The following P2RY12 variants were observed in gnomAD, a reference collection of about 807,000 sequenced individuals.
P2RY12 encodes purinergic receptor P2Y12.
A neutral mutation model predicts 4.5 loss-of-function variants in P2RY12; 3 were observed. The ratio of observed to expected loss-of-function variants is 0.67; its 90% CI spans 0.31 to 1.74. P2RY12 has a LOEUF of 1.74. Among genes scored for constraint, P2RY12 ranks in the 40% most tolerant of loss-of-function variants. The probability of loss-of-function intolerance (pLI) is 0.09; values close to 1 mark genes in which losing one functional copy is unlikely to be tolerated. For synonymous variants in P2RY12, 148 were observed against 154.1 expected (o/e 0.96, Z 0.29); for missense variants, 356 against 407.8 (o/e 0.87, Z 1.09).
Position 151,338,434 on chromosome 3 carries a change from G to C in P2RY12, c.412C>G (p.Leu138Val). ...ACAGAGAGAATCTTAGCCCCCAAGA[G>C]ATTTTTGGGGTTGGATGTTTTAAAT... ...RPFKTSNPKN[L>V]LGAKILSVVI... The change falls in exon 3 of 3, where the codon CTC becomes GTC. Residue 138 changes from leucine to valine, a missense_variant. By Grantham distance (32) the Leu-to-Val change is conservative (BLOSUM62 1). Transcript: ENST00000302632. The C allele has an allele frequency of 1.2e-6, 2 of 1,614,092 alleles. No homozygotes were observed. The highest frequency in any genetic ancestry group is 1.7e-6 in the Non-Finnish European group (2 of 1,180,024).
rs1273592647 is a variant in P2RY12, at chr3:151,367,115, T to G, written c.-180+17577A>C. Among the ~76,000 whole-genome samples, 9 of 60,464 alleles carry G rather than the reference T, an allele frequency of 1.5e-4. 2 individuals are homozygous for G. In the South Asian group the frequency reaches 7.8e-3, roughly 52 times the overall value. 39.7% of individuals were successfully genotyped at this position (60,464 alleles called of 152,430 possible). A position where few individuals can be genotyped will look rare whatever the true frequency, so the allele number is the denominator to read the frequency against. On this transcript the variant is annotated intron_variant, in intron 1 of 2. Transcript: ENST00000302632. ...GTGACTGAATTAATTTCCCCCTCTGTCCTTTTTCTTCTTTTTAAATTTAAG... is the reference window on the plus strand; with the variant it reads ...GTGACTGAATTAATTTCCCCCTCTGGCCTTTTTCTTCTTTTTAAATTTAAG...
Position 151,376,013 on chromosome 3 carries a change from A to G in P2RY12, c.-180+8679T>C, listed in dbSNP as rs770403420. Reference sequence around the variant, plus strand: ...GCCAGTGCCTGTCAATCTAATTGCCATATTATTTTTAGGAATGGGTAGGAG... The same window carrying G: ...GCCAGTGCCTGTCAATCTAATTGCCGTATTATTTTTAGGAATGGGTAGGAG... On this transcript the variant is annotated intron_variant, in intron 1 of 2. Coordinates refer to ENST00000302632, the MANE Select transcript of P2RY12 (RefSeq NM_022788.5). 6.0e-6 allele frequency: 9 copies of G among 1,507,004 alleles called. No individual in the cohort carries two copies. The South Asian group carries it at 8.0e-5, about 13-fold the overall frequency. 93.4% of individuals were successfully genotyped at this position (1,507,004 alleles called of 1,614,324 possible). A position where few individuals can be genotyped will look rare whatever the true frequency, so the allele number is the denominator to read the frequency against.
In P2RY12 at chr3:151,338,005, C is replaced by T; in HGVS notation, c.841G>A (p.Glu281Lys). The T allele has an allele frequency of 6.2e-7, 1 of 1,614,132 alleles. No individual in the cohort carries two copies. Among genetic ancestry groups the T allele is most frequent in the Middle Eastern group, 1.6e-4 (1 of 6,062 alleles). ...TAENTLFYVK[E>K]STLWLTSLNA... The stretch of plus-strand genomic sequence containing the variant: ...AAGGAAGTTAACCACAGAGTGCTCT[C>T]TTTCACATAGAACAGAGTATTTTCA... The change falls in exon 3 of 3, where the codon GAG (glutamate) becomes AAG (lysine). Residue 281 changes from glutamate to lysine, a missense_variant. Coordinates refer to ENST00000302632, the MANE Select transcript of P2RY12 (RefSeq NM_022788.5).
chr3:151,369,580 T>C (rs754221631), intron 1 of P2RY12: 1 of 1,412,424 alleles, frequency 7.1e-7, no homozygotes, highest in Non-Finnish European at 9.8e-7. Context: ...AGCTTCTTGG[T>C]TAATCACCAG....
In P2RY12 at chr3:151,338,170, C is replaced by T; in HGVS notation, c.676G>A (p.Val226Ile). 1 of 1,614,046 alleles carries T rather than the reference C, an allele frequency of 6.2e-7. No individual in the cohort carries two copies. The highest frequency in any genetic ancestry group is 1.1e-5 in the South Asian group (1 of 91,066). Residue 226 changes from valine (V) to isoleucine (I), a missense_variant, in exon 3 of 3, where the codon GTA becomes ATA. Val to Ile is a conservative substitution (Grantham distance 29). Transcript: ENST00000302632. ...ACCTTTTTCCTGGGGACTTTACCTA[C>T]ACCCCTCGTTCTTACGTATGACCGG... is the stretch of plus-strand genomic sequence containing the variant. ...LYRSYVRTRG[V>I]GKVPRKKVNV...
chr3:151,375,792 C>A (rs531294069), intron 1 of P2RY12, among the ~76,000 whole-genome samples: 2 of 152,052 alleles, frequency 1.3e-5, no homozygotes, highest in East Asian at 1.9e-4. Context: ...ATTGTCTTTT[C>A]TTTTTTCCCA....
chr3:151,340,190 T>A (rs538632916), intron 2 of P2RY12, among the ~76,000 whole-genome samples: 2 of 152,284 alleles, frequency 1.3e-5, no homozygotes, highest in East Asian at 3.9e-4. Flanking sequence ...CCTTTCCTGC[T>A]ACTGCTGTGT....
chr3:151,382,857 C>A, intron 1 of P2RY12: 1 of 741,496 alleles, frequency 1.3e-6, no homozygotes, highest in Non-Finnish European at 2.2e-6. Context: ...TGAGGCCTTC[C>A]ACTCTTTGCT....
At position 151,338,326 on chromosome 3, in the gene P2RY12, T is replaced by C. The variant is rs1577367082; in HGVS notation, c.520A>G (p.Lys174Glu). ...NRQPRDKNVK[K>E]CSFLKSEFGL... ...AACTCTGATTTAAGGAAAGAGCATT[T>C]CTTCACATTCTTGTCTCTCGGCTGC... The change falls in exon 3 of 3, where the codon AAA becomes GAA. Residue 174 changes from lysine to glutamate, a missense_variant. Physicochemically the swap from Lys to Glu is moderately conservative, Grantham distance 56. Transcript: ENST00000302632. 2.5e-6 allele frequency: 4 copies of C among 1,614,146 alleles called. No individual in the cohort carries two copies. The highest frequency in any genetic ancestry group is 3.4e-6 in the Non-Finnish European group (4 of 1,180,016).
intron 1 of P2RY12, among the ~76,000 whole-genome samples, chr3:151,348,340 CAAAAAAAAAAAAA>C (rs11382065): frequency 2.3e-5 from 2 of 87,806 alleles, no homozygotes; most frequent in Non-Finnish European, 4.3e-5. Flanking sequence ...ACCACCAGAC[CAAAAAAAAAAAAA>C]AAAAAAAAAA....
intron 1 of P2RY12, among the ~76,000 whole-genome samples, chr3:151,351,787 G>A (rs967174691): frequency 6.6e-5 from 10 of 152,086 alleles, no homozygotes; most frequent in African/African-American, 2.4e-4. Flanking sequence ...AGGCTTGAGG[G>A]GTATGGGAAG....
intron 1 of P2RY12, among the ~76,000 whole-genome samples, chr3:151,383,532 T>TG (rs1712775476): frequency 6.6e-6 from 1 of 152,244 alleles, no homozygotes; most frequent in African/African-American, 2.4e-5. Flanking sequence ...CTAAGTTTAT[T>TG]GGTGCCCACA....
intron 1 of P2RY12, among the ~76,000 whole-genome samples, chr3:151,373,614 A>T (rs916198437): frequency 7.4e-5 from 11 of 149,240 alleles, no homozygotes; most frequent in Admixed American, 2.7e-4. Flanking sequence ...TTTGTGTCCT[A>T]TTTTAAGGAA....
At chr3:151,364,894 C>A in intron 1 of P2RY12, 1 of 933,298 alleles carries the variant, frequency 1.1e-6, no homozygotes, top group Non-Finnish European at 1.7e-6. Context: ...ACAGTTCCTG[C>A]CATTTAATAT....
chr3:151,365,318 C>T (rs551355201), intron 1 of P2RY12: 3 of 851,294 alleles, frequency 3.5e-6, no homozygotes, highest in South Asian at 3.2e-5. Context: ...CTATCATTTG[C>T]TTTTTCTAAA....
chr3:151,370,988 G>A (rs1220916783), intron 1 of P2RY12, among the ~76,000 whole-genome samples: 1 of 152,178 alleles, frequency 6.6e-6, no homozygotes, highest in East Asian at 1.9e-4. Context: ...GCAGAGCTTT[G>A]AGCCAGGTGG....
intron 1 of P2RY12, among the ~76,000 whole-genome samples, chr3:151,351,925 C>T (rs1422229168): frequency 6.6e-6 from 1 of 152,178 alleles, no homozygotes; most frequent in East Asian, 1.9e-4. Context: ...AGCATATGAA[C>T]TCACAAAGCG....
rs780480031 is a variant in P2RY12 at position 151,382,613 on chromosome 3, AGAAAAATTAAACTT to A, written c.-180+2065_-180+2078del. 1.2e-5 allele frequency: 17 copies of A among 1,429,878 alleles called. No individual in the cohort carries two copies. In the African/African-American group the frequency reaches 2.0e-4, roughly 17 times the overall value. The allele number at this position is 1,429,878 out of a possible 1,614,324, so 88.6% of individuals were successfully genotyped here. ...AAAGCTCAATTTATCTTTAAATGAG[AGAAAAATTAAACTT>A]TAATGGGGAGTTTTTTTCCGGATCT... is the stretch of plus-strand genomic sequence containing the variant. On this transcript the variant is annotated intron_variant, in intron 1 of 2. Coordinates refer to ENST00000302632, the MANE Select transcript of P2RY12 (RefSeq NM_022788.5).
chr3:151,346,234 T>A (rs532042522), intron 1 of P2RY12, among the ~76,000 whole-genome samples: 5 of 152,340 alleles, frequency 3.3e-5, no homozygotes. Context: ...TCCATATTAA[T>A]CCAGCTAAGA....
Sources: allele counts gnomAD v4.1 joint callset (sites outside exome capture counted in the v4.1 genomes callset), GRCh38; gene constraint gnomAD v4.1.1; transcripts MANE v1.5; gene names NCBI Gene and HGNC (gene_info 2026-07-23, HGNC 2026-07-21).